The following XKR6 variants were observed in gnomAD, a reference collection of about 807,000 sequenced individuals.
The protein encoded by XKR6 is XK-related protein 6.
In XKR6, 22 loss-of-function variants were observed where a neutral mutation model predicts 56.7. The ratio of observed to expected loss-of-function variants is 0.39; its 90% CI spans 0.28 to 0.55. XKR6 has a LOEUF of 0.55. XKR6 is among the 20% of genes least tolerant of loss of function. The probability of loss-of-function intolerance (pLI) is 0.66; values close to 1 mark genes in which losing one functional copy is unlikely to be tolerated. For synonymous variants in XKR6, 524 were observed against 387.8 expected (o/e 1.35, Z -4.13); for missense variants, 852 against 889.0 (o/e 0.96, Z 0.53).
At chr8:11,182,294 A>C (rs1415783876) in intron 1 of XKR6, among the ~76,000 whole-genome samples, 1 of 152,176 alleles carries the variant, frequency 6.6e-6, no homozygotes, top group Non-Finnish European at 1.5e-5. Flanking sequence ...TTCTGACTTA[A>C]AATACCACAC....
chr8:11,086,520 A>G (rs1179276462), intron 1 of XKR6, among the ~76,000 whole-genome samples: 1 of 152,206 alleles, frequency 6.6e-6, no homozygotes, highest in African/African-American at 2.4e-5. Flanking sequence ...GGAGGAACAC[A>G]CTACACCCTG....
At chr8:10,989,460 T>TA (rs1353284785) in intron 1 of XKR6, among the ~76,000 whole-genome samples, 2 of 152,066 alleles carry the variant, frequency 1.3e-5, no homozygotes, top group African/African-American at 4.8e-5. Context: ...ACGTTTAATT[T>TA]AAAAAAGCAA....
intron 1 of XKR6, among the ~76,000 whole-genome samples, chr8:10,967,025 C>T (rs1257580182): frequency 6.6e-6 from 1 of 152,104 alleles, no homozygotes; most frequent in Non-Finnish European, 1.5e-5. Context: ...ATACCAGCAT[C>T]TTCCGGGAGC....
intron 1 of XKR6, among the ~76,000 whole-genome samples, chr8:11,177,306 A>G (rs906904454): frequency 6.6e-6 from 1 of 152,202 alleles, no homozygotes; most frequent in African/African-American, 2.4e-5. Context: ...CATAAACACA[A>G]AATGTCCTTA....
chr8:11,181,202 A>T (rs746735543), intron 1 of XKR6, among the ~76,000 whole-genome samples: 5 of 152,220 alleles, frequency 3.3e-5, no homozygotes, highest in Non-Finnish European at 7.3e-5. Context: ...TAAACAATTT[A>T]TACTCAATAT....
chr8:11,068,116 T>C (rs1330790437), intron 1 of XKR6, among the ~76,000 whole-genome samples: 1 of 152,226 alleles, frequency 6.6e-6, no homozygotes, highest in Non-Finnish European at 1.5e-5. Flanking sequence ...AAAACTCACC[T>C]TCAACAGCCT....
intron 1 of XKR6, among the ~76,000 whole-genome samples, chr8:10,989,602 T>C (rs1440173078): frequency 7.1e-6 from 1 of 140,516 alleles, no homozygotes; most frequent in Non-Finnish European, 1.7e-5. Context: ...GGTAACATTC[T>C]GTAAGTTCCT....
intron 1 of XKR6, among the ~76,000 whole-genome samples, chr8:10,945,184 T>C (rs1296567107): frequency 1.3e-5 from 2 of 152,096 alleles, no homozygotes; most frequent in Admixed American, 6.5e-5. Context: ...AAAAACTTGA[T>C]TAAAAAGGCC....
At chr8:11,186,305 T>A (rs1344497980) in intron 1 of XKR6, among the ~76,000 whole-genome samples, 1 of 152,204 alleles carries the variant, frequency 6.6e-6, no homozygotes, top group East Asian at 1.9e-4. Context: ...CCAGCCACCC[T>A]TGATCTAGGT....
At chr8:10,969,885 T>C (rs1427270996) in intron 1 of XKR6, among the ~76,000 whole-genome samples, 1 of 152,246 alleles carries the variant, frequency 6.6e-6, no homozygotes, top group Non-Finnish European at 1.5e-5. Context: ...TGGGATATGC[T>C]GCCGTCCCGC....
At chr8:10,904,355 C>T (rs1331832399) in intron 2 of XKR6, among the ~76,000 whole-genome samples, 2 of 152,116 alleles carry the variant, frequency 1.3e-5, no homozygotes, top group African/African-American at 4.8e-5. Flanking sequence ...GATCACCAGC[C>T]CTGGGGTCTC....
At chr8:11,101,944 T>C (rs1461791501) in intron 1 of XKR6, among the ~76,000 whole-genome samples, 1 of 152,172 alleles carries the variant, frequency 6.6e-6, no homozygotes, top group Non-Finnish European at 1.5e-5. Flanking sequence ...GTTACAATCA[T>C]GCCCACCTCC....
At chr8:11,025,352 C>A (rs1398779583) in intron 1 of XKR6, among the ~76,000 whole-genome samples, 2 of 152,278 alleles carry the variant, frequency 1.3e-5, no homozygotes, top group East Asian at 3.9e-4. Context: ...AATATGCTTC[C>A]TTTCTAAGAG....
chr8:10,963,270 G>C (rs1563314851), intron 1 of XKR6, among the ~76,000 whole-genome samples: 1 of 152,200 alleles, frequency 6.6e-6, no homozygotes, highest in Non-Finnish European at 1.5e-5. Context: ...CCTTGGCACT[G>C]GCAATCCCCT....
chr8:10,968,800 A>C (rs1302185331), intron 1 of XKR6, among the ~76,000 whole-genome samples: 3 of 152,300 alleles, frequency 2.0e-5, no homozygotes, highest in Non-Finnish European at 2.9e-5. Context: ...GAAAATGAGA[A>C]AGATTTCTGG....
chr8:11,183,768 T>A (rs926831834), intron 1 of XKR6, among the ~76,000 whole-genome samples: 6 of 152,198 alleles, frequency 3.9e-5, no homozygotes, highest in Non-Finnish European at 7.3e-5. Context: ...ATAAGGCCCC[T>A]AAATACGGTT....
intron 1 of XKR6, among the ~76,000 whole-genome samples, chr8:11,064,325 C>A (rs1310282767): frequency 6.6e-6 from 1 of 152,160 alleles, no homozygotes; most frequent in Non-Finnish European, 1.5e-5. Flanking sequence ...TTAATTAGAG[C>A]CTTGTGAAAA....
chr8:11,178,444 T>A (rs1379245925), intron 1 of XKR6, among the ~76,000 whole-genome samples: 3 of 151,300 alleles, frequency 2.0e-5, no homozygotes, highest in Non-Finnish European at 4.4e-5. Flanking sequence ...TTTTTGTACA[T>A]GCACATTGAG....
rs1799390133 is a variant in XKR6, at chr8:11,045,477, T to C, written c.765-120647A>G. ...GGGAGGATGGGCAGCTATCACCATCTAGGTTCCTACTTCTTAGGGTCTGTG... is the reference window on the plus strand; with the variant it reads ...GGGAGGATGGGCAGCTATCACCATCCAGGTTCCTACTTCTTAGGGTCTGTG... On this transcript the variant is annotated intron_variant, in intron 1 of 2. Transcript: ENST00000416569. Among the ~76,000 whole-genome samples the C allele has an allele frequency of 1.3e-5, 2 of 152,234 alleles. 1 individual carries two copies. The highest frequency in any genetic ancestry group is 4.1e-4 in the South Asian group (2 of 4,830).
Sources: allele counts gnomAD v4.1 joint callset (sites outside exome capture counted in the v4.1 genomes callset), GRCh38; gene constraint gnomAD v4.1.1; transcripts MANE v1.5; gene names NCBI Gene and HGNC (gene_info 2026-07-23, HGNC 2026-07-21).